Variants in PGBD2 observed in about 807,000 individuals in gnomAD.
PGBD2 encodes the protein piggyBac transposable element-derived protein 2.
PGBD2 carries 6 observed loss-of-function variants against 8.1 expected under a neutral mutation model. The observed-to-expected ratio is 0.74, with a 90% CI of 0.40 to 1.46. PGBD2 has a LOEUF of 1.46. Ranked by LOEUF, PGBD2 falls within the 40% of genes most tolerant of loss-of-function variation. PGBD2 has a pLI of 0.02. For synonymous variants in PGBD2, 318 were observed against 272.2 expected, an observed-to-expected ratio of 1.17 and a Z score of -1.66; for missense variants, 802 against 739.0, an observed-to-expected ratio of 1.09 and a Z score of -0.99.
Position 248,913,796 on chromosome 1 carries a change from TGAC to T in PGBD2, c.-47-19_-47-17del. 2 of 1,313,690 alleles carry T rather than the reference TGAC, an allele frequency of 1.5e-6. No homozygotes were observed. The highest frequency in any genetic ancestry group is 1.8e-5 in the Admixed American group (1 of 54,498). The allele number at this position is 1,313,690 out of a possible 1,614,324, so 81.4% of individuals were successfully genotyped here. On this transcript the variant is annotated splice_polypyrimidine_tract_variant and intron_variant, in intron 1 of 2. Coordinates refer to ENST00000329291, the MANE Select transcript of PGBD2 (RefSeq NM_170725.3). Reference sequence around the variant, plus strand: ...CTTAAGATACAATTTTTTTTTAAATTGACTTTTCTTGTCTTACAGGTTCTTAGA... The same window carrying T: ...CTTAAGATACAATTTTTTTTTAAATTTTTTCTTGTCTTACAGGTTCTTAGA...
At chr1:248,905,984 C>T (rs977784979), upstream of PGBD2, among the ~76,000 whole-genome samples, 4 of 152,180 alleles carry the variant, frequency 2.6e-5, no homozygotes, top group Admixed American at 6.5e-5. Context: ...AGTCCCCATG[C>T]TCTCCTGATT....
the PGBD2 span, among the ~76,000 whole-genome samples, chr1:248,882,986 T>TA: frequency 6.6e-6 from 1 of 152,178 alleles, no homozygotes; most frequent in Non-Finnish European, 1.5e-5. Flanking sequence ...TCCAGAGCCT[T>TA]AAAAAAATGG....
At chr1:248,919,234 C>G (rs942150401), downstream of PGBD2, 2 of 167,034 alleles carry the variant, frequency 1.2e-5, no homozygotes, top group African/African-American at 2.4e-5. Context: ...TCCCCCACCC[C>G]CTAACTACCC....
the PGBD2 span, among the ~76,000 whole-genome samples, chr1:248,897,981 T>C: frequency 1.3e-5 from 2 of 152,172 alleles, no homozygotes; most frequent in African/African-American, 4.8e-5. Flanking sequence ...GCCAGATTGC[T>C]TCTTTACATG....
At chr1:248,929,441 A>C in the PGBD2 span, among the ~76,000 whole-genome samples, 14 of 152,306 alleles carry the variant, frequency 9.2e-5, no homozygotes, top group African/African-American at 3.1e-4. Flanking sequence ...TGCTGTGATG[A>C]GGCTGGCACC....
At chr1:248,879,004 A>C in the PGBD2 span, among the ~76,000 whole-genome samples, 1 of 152,138 alleles carries the variant, frequency 6.6e-6, no homozygotes, top group East Asian at 1.9e-4. Flanking sequence ...TCTCCAGGTT[A>C]GTTTTACATT....
At position 248,917,687 on chromosome 1, in the gene PGBD2, T is replaced by G. The variant is rs1048533122; in HGVS notation, c.1103T>G (p.Val368Gly). 6.2e-7 allele frequency: 1 copy of G among 1,613,826 alleles called. No homozygotes were observed. Among genetic ancestry groups the G allele is most frequent in the Admixed American group, 1.7e-5 (1 of 59,978 alleles). The change falls in exon 3 of 3, where the codon GTG (valine) becomes GGG (glycine). Residue 368 changes from valine to glycine, a missense_variant. Transcript: ENST00000329291. ...ATGTCCATTTTGAGGAAAAAGGGGGTGAAAGCCACAGGAACTGTTCGTGAG... is the reference window on the plus strand; with the variant it reads ...ATGTCCATTTTGAGGAAAAAGGGGGGGAAAGCCACAGGAACTGTTCGTGAG... Reference protein sequence around the residue: ...KLMSILRKKGVKATGTVREYR... With the variant: ...KLMSILRKKGGKATGTVREYR...
chr1:248,901,576 A>C (rs1352750973), upstream of PGBD2, among the ~76,000 whole-genome samples: 1 of 152,236 alleles, frequency 6.6e-6, no homozygotes, highest in Non-Finnish European at 1.5e-5. Flanking sequence ...CTTACACTTT[A>C]TACAAAAAAT....
downstream of PGBD2, among the ~76,000 whole-genome samples, chr1:248,924,609 C>A (rs564528085): frequency 6.6e-6 from 1 of 152,218 alleles, no homozygotes; most frequent in Admixed American, 6.5e-5. Flanking sequence ...TGTGAATTTC[C>A]CATGCATGTG....
chr1:248,929,744 T>C, the PGBD2 span, among the ~76,000 whole-genome samples: 1 of 152,164 alleles, frequency 6.6e-6, no homozygotes, highest in Admixed American at 6.5e-5. Context: ...GAGTTAAAGG[T>C]GTTTCCCCAA....
chr1:248,895,082 G>C, the PGBD2 span, among the ~76,000 whole-genome samples: 1 of 152,132 alleles, frequency 6.6e-6, no homozygotes, highest in African/African-American at 2.4e-5. Flanking sequence ...TGGAATTATA[G>C]GCTTGAGCCA....
downstream of PGBD2, among the ~76,000 whole-genome samples, chr1:248,924,405 A>G (rs576827358): frequency 6.6e-6 from 1 of 152,282 alleles, no homozygotes; most frequent in African/African-American, 2.4e-5. Context: ...CAGCCAATTA[A>G]CTTGTATCTA....
Position 248,917,590 on chromosome 1 carries a change from G to T in PGBD2, c.1006G>T (p.Asp336Tyr). The change falls in exon 3 of 3, where the codon GAT (aspartate) becomes TAT (tyrosine). Residue 336 changes from aspartate to tyrosine, a missense_variant. By Grantham distance (160) the Asp-to-Tyr change is radical. Transcript: ENST00000329291. ...LGGSMVIKFV[D>Y]ALQERGFLPY... is the part of the protein sequence containing the mutation. Reference sequence around the variant, plus strand: ...AGGCAGTATGGTAATAAAATTTGTGGATGCGCTTCAGGAGCGTGGTTTTCT... The same window carrying T: ...AGGCAGTATGGTAATAAAATTTGTGTATGCGCTTCAGGAGCGTGGTTTTCT... The T allele has an allele frequency of 6.2e-7, 1 of 1,614,184 alleles. No homozygotes were observed. Among genetic ancestry groups the T allele is most frequent in the Non-Finnish European group, 8.5e-7 (1 of 1,180,034 alleles).
chr1:248,897,291 G>A, the PGBD2 span, among the ~76,000 whole-genome samples: 641 of 151,372 alleles, frequency 4.2e-3, 20 homozygotes, highest in African/African-American at 0.015. Flanking sequence ...TAGCCGATCG[G>A]AACAAATACA....
At chr1:248,887,994 A>C in the PGBD2 span, among the ~76,000 whole-genome samples, 1 of 152,214 alleles carries the variant, frequency 6.6e-6, no homozygotes, top group African/African-American at 2.4e-5. Flanking sequence ...CCCACTACTA[A>C]GTGAGAACAC....
At chr1:248,901,988 G>C (rs1661541726), upstream of PGBD2, among the ~76,000 whole-genome samples, 1 of 152,102 alleles carries the variant, frequency 6.6e-6, no homozygotes, top group African/African-American at 2.4e-5. Context: ...TATAATGAAG[G>C]CTGGACGAAA....
In PGBD2 at chr1:248,917,056, G is replaced by A. The variant is rs771851987; in HGVS notation, c.472G>A (p.Val158Ile). 4 of 1,613,764 alleles carry A rather than the reference G, an allele frequency of 2.5e-6. No homozygotes were observed. Among genetic ancestry groups the A allele is most frequent in the Non-Finnish European group, 3.4e-6 (4 of 1,179,944 alleles). The stretch of plus-strand genomic sequence containing the variant: ...TGATGAAGGAACAATTAATTTCATT[G>A]TTAATGAAACCAATCGTTATGCTTG... ...FFDEGTINFI[V>I]NETNRYAWQK... The change falls in exon 3 of 3, where the codon GTT becomes ATT. Residue 158 changes from valine (V) to isoleucine (I), a missense_variant. Coordinates refer to ENST00000329291, the MANE Select transcript of PGBD2 (RefSeq NM_170725.3).
chr1:248,882,457 CA>C, the PGBD2 span, among the ~76,000 whole-genome samples: 1 of 152,120 alleles, frequency 6.6e-6, no homozygotes, highest in Non-Finnish European at 1.5e-5. Flanking sequence ...AGATATTAAT[CA>C]GCAGTAACAG....
At chr1:248,910,481 A>G (rs1171421405) in intron 1 of PGBD2, among the ~76,000 whole-genome samples, 1 of 152,204 alleles carries the variant, frequency 6.6e-6, no homozygotes, top group Non-Finnish European at 1.5e-5. Flanking sequence ...TTACAGGTGA[A>G]AGACAAGGGC....
Sources: gnomAD v4.1 joint callset for allele counts (sites outside exome capture counted in the v4.1 genomes callset) on GRCh38, gnomAD v4.1.1 for gene constraint, MANE v1.5 for transcripts, NCBI Gene and HGNC (gene_info 2026-07-23, HGNC 2026-07-21) for gene names.